Variants in CDK20 observed in about 807,000 individuals in gnomAD.
CDK20 encodes the protein cyclin-dependent kinase 20.
Under a neutral mutation model 38.6 loss-of-function variants are expected in CDK20, and 40 were observed. That is an observed-to-expected ratio of 1.04 (90% CI 0.81 to 1.35). The LOEUF is 1.35. Ranked by LOEUF, CDK20 falls within the 40% of genes most tolerant of loss-of-function variation. CDK20 has a pLI of 0.00. For missense variants in CDK20, 512 were observed against 452.6 expected, an observed-to-expected ratio of 1.13 and a Z score of -1.19; for synonymous variants, 209 against 185.7, an observed-to-expected ratio of 1.13 and a Z score of -1.02.
chr9:87,970,122 C>T (rs1393740797), intron 5 of CDK20: 15 of 512,496 alleles, frequency 2.9e-5, no homozygotes, highest in Middle Eastern at 5.1e-4. Context: ...CAAGACTTCT[C>T]GGAGACTCCT....
At position 87,967,294 on chromosome 9, in the gene CDK20, C is replaced by T. The variant is rs770922612; in HGVS notation, c.*168G>A. The T allele has an allele frequency of 2.0e-5, 15 of 732,582 alleles. No individual in the cohort carries two copies. The highest frequency in any genetic ancestry group is 3.4e-5 in the Non-Finnish European group (14 of 410,118). The allele number at this position is 732,582 out of a possible 1,614,324, so 45.4% of individuals were successfully genotyped here. A position where few individuals can be genotyped will look rare whatever the true frequency, so the allele number is the denominator to read the frequency against. On this transcript the variant is annotated 3_prime_UTR_variant, in exon 8 of 8. Coordinates refer to ENST00000325303, the MANE Select transcript of CDK20 (RefSeq NM_001039803.3). ...ATGTTCTCATACTCTTGGCTGGGAA[C>T]ATGACCTCTGCCTCGAGACCAACCC...
chr9:87,970,530 G>A, intron 5 of CDK20, 38 bp downstream of exon 5: 1 of 1,579,756 alleles, frequency 6.3e-7, no homozygotes, highest in Non-Finnish European at 8.7e-7. Flanking sequence ...AGAAATCCAT[G>A]AGCCATGTTA....
At chr9:87,967,782 T>C (rs942865267) in intron 7 of CDK20, 123 bp from the exon 8 acceptor site, 43 of 788,766 alleles carry the variant, frequency 5.5e-5, no homozygotes, top group Non-Finnish European at 8.3e-5. Flanking sequence ...TTTCTGAGTG[T>C]CTACTATGTC....
chr9:87,971,232 G>T lies in CDK20; in HGVS notation c.293C>A (p.Pro98Gln). ...GCTCTTGACCTGTGCCTGGGCTAGTGGCCTCTGGGCATGGCGCACCACCTC... is the reference window on the plus strand; with the variant it reads ...GCTCTTGACCTGTGCCTGGGCTAGTTGCCTCTGGGCATGGCGCACCACCTC... ...LAEVVRHAQR[P>Q]LAQAQVKSYL... Residue 98 changes from proline (P) to glutamine (Q), a missense_variant, in exon 3 of 8, where the codon CCA becomes CAA. Coordinates refer to ENST00000325303, the MANE Select transcript of CDK20 (RefSeq NM_001039803.3). The T allele has an allele frequency of 6.2e-7, 1 of 1,614,148 alleles. No homozygotes were observed. Among genetic ancestry groups the T allele is most frequent in the South Asian group, 1.1e-5 (1 of 91,080 alleles).
rs1422271399 is a variant in CDK20 at position 87,974,355 on chromosome 9, C to CCG, written c.75+15_75+16dup. ...GGGCACACCCCCGCCAGGCTGCCGG[C>CCG]CGCGGTCCAGCCTCACCTCCACGTG... On this transcript the variant is annotated intron_variant, in intron 1 of 7. Transcript: ENST00000325303. 1.9e-6 allele frequency: 3 copies of CCG among 1,609,368 alleles called. No individual in the cohort carries two copies. The African/African-American group carries it at 4.0e-5, about 21-fold the overall frequency.
In CDK20 at chr9:87,969,840, A is replaced by T. The variant is rs1187315434; in HGVS notation, c.643T>A (p.Tyr215Asn). The change falls in exon 6 of 8, where the codon TAT becomes AAT. Residue 215 changes from tyrosine (Y) to asparagine (N), a missense_variant. By Grantham distance (143) the Tyr-to-Asn change is moderately radical. Transcript: ENST00000325303. ...PGKNDIEQLCYVLRILGTPNP... is the reference protein window; with the variant it reads ...PGKNDIEQLCNVLRILGTPNP... Reference sequence around the variant, plus strand: ...GGGGTGCCCAAGATGCGAAGCACATAGCAAAGCTGTTCAATATCGTTCTTG... The same window carrying T: ...GGGGTGCCCAAGATGCGAAGCACATTGCAAAGCTGTTCAATATCGTTCTTG... 6.2e-7 allele frequency: 1 copy of T among 1,613,344 alleles called. No homozygotes were observed. The highest frequency in any genetic ancestry group is 1.1e-5 in the South Asian group (1 of 90,984).
In CDK20 at chr9:87,970,768, C is replaced by T. The variant is rs372639473; in HGVS notation, c.500+8G>A. 475 of 1,614,134 alleles carry T rather than the reference C, an allele frequency of 2.9e-4. 1 individual carries two copies. In the African/African-American group the frequency reaches 4.3e-3, roughly 15 times the overall value. On this transcript the variant is annotated splice_region_variant and intron_variant, in intron 4 of 7. Coordinates refer to ENST00000325303, the MANE Select transcript of CDK20 (RefSeq NM_001039803.3). ...GGAGAAGACTGGAAGGGATCTGGCC[C>T]TCCCTACCTGGTGGCCACCTGGTGT...
chr9:87,967,411 G>A lies in CDK20; in HGVS notation c.*51C>T, dbSNP rs762864981. On this transcript the variant is annotated 3_prime_UTR_variant, in exon 8 of 8. Coordinates refer to ENST00000325303, the MANE Select transcript of CDK20 (RefSeq NM_001039803.3). ...AAGCCAGGCAGGTGGCAGAGGAACAGGTGGACTGAGTGGTCCTGAGGAGCA... is the reference window on the plus strand; with the variant it reads ...AAGCCAGGCAGGTGGCAGAGGAACAAGTGGACTGAGTGGTCCTGAGGAGCA... The A allele has an allele frequency of 3.8e-5, 59 of 1,535,204 alleles. No individual in the cohort carries two copies. Among genetic ancestry groups the A allele is most frequent in the Non-Finnish European group, 5.0e-5 (57 of 1,132,248 alleles).
At chr9:87,969,424 C>G in intron 6 of CDK20, 75 bp from the exon 7 acceptor site, 2 of 1,494,102 alleles carry the variant, frequency 1.3e-6, no homozygotes, top group African/African-American at 1.4e-5. Context: ...TGTCAACTCT[C>G]AGCCCCTAAC....
chr9:87,967,846 C>G (rs941295699), intron 7 of CDK20, 187 bp from the exon 8 acceptor site: 2 of 547,310 alleles, frequency 3.7e-6, no homozygotes, highest in Admixed American at 3.4e-5. Context: ...CAGACAAAAG[C>G]TCTGTTTTTC....
At chr9:87,970,159 T>G in intron 5 of CDK20, 1 of 449,956 alleles carries the variant, frequency 2.2e-6, no homozygotes, top group South Asian at 5.6e-5. Context: ...GGGGCAGACC[T>G]GCAAACCTGC....
At chr9:87,968,585 TTC>T (rs1829607438) in intron 7 of CDK20, 3 of 152,836 alleles carry the variant, frequency 2.0e-5, no homozygotes, top group Non-Finnish European at 4.4e-5. Context: ...TGCCCACCAT[TTC>T]TCTCTTCAGC....
chr9:87,971,857 T>G lies in CDK20; in HGVS notation c.190-522A>C, dbSNP rs567480885. ...CTCACAGCACAAAGGACAAACAGTT[T>G]AACAAATAAATGAATAAAAGGGATA... On this transcript the variant is annotated intron_variant, in intron 2 of 7. Transcript: ENST00000325303. Among the ~76,000 whole-genome samples, 6 of 152,214 alleles carry G rather than the reference T, an allele frequency of 3.9e-5. No individual in the cohort carries two copies. The East Asian group carries it at 1.2e-3, about 29-fold the overall frequency.
chr9:87,967,188 A>G lies in CDK20; in HGVS notation c.*274T>C. ...CAGGCCTTGACTGGCAGCAGAGCTC[A>G]CTGTCCTGATGGGTACGTCAGTAGC... On this transcript the variant is annotated 3_prime_UTR_variant, in exon 8 of 8. Coordinates refer to ENST00000325303, the MANE Select transcript of CDK20 (RefSeq NM_001039803.3). 1.5e-6 allele frequency: 1 copy of G among 675,600 alleles called. No individual in the cohort carries two copies. Among genetic ancestry groups the G allele is most frequent in the Non-Finnish European group, 2.8e-6 (1 of 361,916 alleles). 41.9% of individuals were successfully genotyped at this position (675,600 alleles called of 1,614,324 possible).
chr9:87,967,329 C>T lies in CDK20; in HGVS notation c.*133G>A. The T allele has an allele frequency of 1.1e-6, 1 of 891,606 alleles. No individual in the cohort carries two copies. The highest frequency in any genetic ancestry group is 1.8e-6 in the Non-Finnish European group (1 of 548,244). 55.2% of individuals were successfully genotyped at this position (891,606 alleles called of 1,614,324 possible). ...GCCTCGAGACCAACCCTCGCAAGGGCTAAGGGGCAGGGTGTGGTGTGGGCC... is the reference window on the plus strand; with the variant it reads ...GCCTCGAGACCAACCCTCGCAAGGGTTAAGGGGCAGGGTGTGGTGTGGGCC... On this transcript the variant is annotated 3_prime_UTR_variant, in exon 8 of 8. Transcript: ENST00000325303.
At chr9:87,971,041 G>T in intron 3 of CDK20, 106 bp downstream of exon 3, 1 of 1,500,170 alleles carries the variant, frequency 6.7e-7, no homozygotes, top group South Asian at 1.3e-5. Flanking sequence ...TGGAGGCCTT[G>T]ACCAGCTCTG....
chr9:87,969,165 G>A (rs756142996), intron 7 of CDK20, 29 bp downstream of exon 7: 2 of 1,610,406 alleles, frequency 1.2e-6, no homozygotes, highest in East Asian at 4.5e-5. Flanking sequence ...GGGAGCTGAA[G>A]GAGCAGAGAC....
rs9410653 is a variant in CDK20 at position 87,971,306 on chromosome 9, G to A, written c.219C>T (p.His73=). Residue 73 remains histidine (H), a synonymous_variant, in exon 3 of 8, where the codon CAC becomes CAT. Transcript: ENST00000325303. ...YVVQLKAVFP[H]GGGFVLAFEF... ...CAAAGGCCAGCACAAAGCCTCCACC[G>A]TGTGGGAACACAGCCTTCAGTTGTA... 5.6e-3 allele frequency: 9,100 copies of A among 1,613,598 alleles called. 83 individuals carry two copies. Among genetic ancestry groups the A allele is most frequent in the Middle Eastern group, 0.047 (282 of 6,058 alleles).
At chr9:87,974,183 C>G in intron 1 of CDK20, 148 bp from the exon 2 acceptor site, 1 of 1,413,108 alleles carries the variant, frequency 7.1e-7, no homozygotes. Context: ...GCCTGGGACC[C>G]AGCCGCTGGG....
Sources: gnomAD v4.1 joint callset for allele counts (sites outside exome capture counted in the v4.1 genomes callset) on GRCh38, gnomAD v4.1.1 for gene constraint, MANE v1.5 for transcripts, NCBI Gene and HGNC (gene_info 2026-07-23, HGNC 2026-07-21) for gene names.